CLVS1: variants seen among roughly 807,000 people sequenced by gnomAD.
CLVS1 encodes clavesin 1.
In CLVS1, 10 loss-of-function variants were observed where a neutral mutation model predicts 33.1. That is an observed-to-expected ratio of 0.30 (90% CI 0.19 to 0.51). The LOEUF is 0.51. Among genes scored for constraint, CLVS1 ranks in the 20% least tolerant of loss-of-function variants. The pLI, the probability that CLVS1 is intolerant of heterozygous loss-of-function variation, is 0.97. For synonymous variants in CLVS1, 163 were observed against 166.1 expected (o/e 0.98, Z 0.14); for missense variants, 343 against 433.4 (o/e 0.79, Z 1.85).
At chr8:61,170,760 A>C (rs1247991628) in intron 2 of CLVS1, among the ~76,000 whole-genome samples, 2 of 152,204 alleles carry the variant, frequency 1.3e-5, no homozygotes, top group Non-Finnish European at 2.9e-5. Flanking sequence ...AAGTATTCCA[A>C]AACTATGATT....
chr8:61,227,891 A>T (rs1808361673), intron 2 of CLVS1, among the ~76,000 whole-genome samples: 1 of 152,240 alleles, frequency 6.6e-6, no homozygotes. Flanking sequence ...CAACCAAGTA[A>T]TTCATTGAAT....
chr8:61,022,544 C>A, the CLVS1 span, among the ~76,000 whole-genome samples: 1 of 152,068 alleles, frequency 6.6e-6, no homozygotes, highest in Non-Finnish European at 1.5e-5. Context: ...TAAAAAAATC[C>A]AAGTTAGTGA....
the CLVS1 span, among the ~76,000 whole-genome samples, chr8:61,027,200 A>C: frequency 2.4e-4 from 37 of 152,328 alleles, no homozygotes; most frequent in Non-Finnish European, 1.8e-4. Flanking sequence ...ATCCCCCAAG[A>C]GTGAGACAAA....
intron 2 of CLVS1, among the ~76,000 whole-genome samples, chr8:61,240,894 GTTT>G (rs549955338): frequency 2.3e-5 from 3 of 130,614 alleles, no homozygotes; most frequent in Admixed American, 7.5e-5. Context: ...TTTGCTGTAG[GTTT>G]TTTTTTTTTT....
chr8:61,270,975 T>C (rs1472655694), intron 2 of CLVS1, among the ~76,000 whole-genome samples: 1 of 151,310 alleles, frequency 6.6e-6, no homozygotes, highest in Admixed American at 6.6e-5. Context: ...GCTCCTGGAT[T>C]CATTAATTTT....
rs146155263 is a variant in CLVS1, at chr8:61,075,165, T to C, written c.-243+17935T>C. On this transcript the variant is annotated intron_variant, in intron 1 of 2. Coordinates refer to the CLVS1 transcript ENST00000522621. ...TTGAGGAATGGGGGGCACTGTGGAC[T>C]GCTCAAGGGGAAGGGGCCGGTGGGA... Among the ~76,000 whole-genome samples, 726 of 152,264 alleles carry C rather than the reference T, an allele frequency of 4.8e-3. 5 individuals are homozygous for C. The highest frequency in any genetic ancestry group is 0.021 in the South Asian group (101 of 4,822).
chr8:61,057,792 C>T (rs1048632780), intron 1 of CLVS1, among the ~76,000 whole-genome samples: 1 of 152,160 alleles, frequency 6.6e-6, no homozygotes, highest in Non-Finnish European at 1.5e-5. Context: ...TAGAATAATC[C>T]TGCTCAAGCC....
intron 1 of CLVS1, among the ~76,000 whole-genome samples, chr8:61,116,324 T>C (rs907397693): frequency 2.0e-4 from 31 of 152,326 alleles, no homozygotes; most frequent in African/African-American, 6.7e-4. Flanking sequence ...TTTGGTTGCC[T>C]GTTCACTCTG....
At chr8:61,014,675 C>T in the CLVS1 span, among the ~76,000 whole-genome samples, 1 of 152,112 alleles carries the variant, frequency 6.6e-6, no homozygotes, top group African/African-American at 2.4e-5. Context: ...AACTGTAAAG[C>T]TTTGAATAAG....
intron 2 of CLVS1, among the ~76,000 whole-genome samples, chr8:61,225,307 G>T (rs1808302875): frequency 6.6e-6 from 1 of 151,976 alleles, no homozygotes; most frequent in Non-Finnish European, 1.5e-5. Context: ...AACTGACTGA[G>T]ACTCTGTCTC....
chr8:61,034,170 T>C, the CLVS1 span, among the ~76,000 whole-genome samples: 3 of 152,202 alleles, frequency 2.0e-5, no homozygotes, highest in Non-Finnish European at 4.4e-5. Flanking sequence ...GATGTGACTG[T>C]CAACACTTGG....
chr8:61,357,489 C>CTTTTTTTTTTTT lies in CLVS1; in HGVS notation c.456-19112_456-19111insTTTTTTTTTTTT, dbSNP rs1462908906. On this transcript the variant is annotated intron_variant, in intron 2 of 5. Transcript: ENST00000325897. ...TTTTCCTTCTTTTTCTTTCCTTTTT[C>CTTTTTTTTTTTT]TTTTCTTTTTTTTTTTTTTTTTTTT... 6.3e-4 allele frequency among the ~76,000 whole-genome samples: 19 copies of CTTTTTTTTTTTT among 30,264 alleles called. 1 individual carries two copies. In the East Asian group the frequency reaches 0.012, roughly 18 times the overall value. 19.9% of individuals were successfully genotyped at this position (30,264 alleles called of 152,430 possible).
upstream of CLVS1, among the ~76,000 whole-genome samples, chr8:61,055,688 C>T (rs1804463510): frequency 6.6e-6 from 1 of 152,158 alleles, no homozygotes. Flanking sequence ...TGGTTTTGTT[C>T]TTCTGGCTGT....
chr8:61,014,821 A>G, the CLVS1 span, among the ~76,000 whole-genome samples: 9 of 152,252 alleles, frequency 5.9e-5, no homozygotes, highest in African/African-American at 2.2e-4. Context: ...CAACTGCAAA[A>G]TAATCTTATC....
intron 3 of CLVS1, among the ~76,000 whole-genome samples, chr8:61,436,954 C>G (rs1816351719): frequency 6.6e-6 from 1 of 152,090 alleles, no homozygotes; most frequent in Non-Finnish European, 1.5e-5. Flanking sequence ...GGTTTAAATA[C>G]CCTCTTCACA....
At chr8:61,153,072 G>A (rs112820614) in intron 2 of CLVS1, among the ~76,000 whole-genome samples, 3 of 152,036 alleles carry the variant, frequency 2.0e-5, no homozygotes, top group African/African-American at 7.3e-5. Flanking sequence ...GGAGGCTGAG[G>A]GGGGCTGCAC....
At chr8:61,159,914 T>A (rs1266404539) in intron 2 of CLVS1, among the ~76,000 whole-genome samples, 2 of 152,242 alleles carry the variant, frequency 1.3e-5, no homozygotes, top group Non-Finnish European at 2.9e-5. Flanking sequence ...ATCACCTTGA[T>A]TTTCCTGTGC....
upstream of CLVS1, among the ~76,000 whole-genome samples, chr8:61,055,917 C>T (rs1321330401): frequency 6.6e-6 from 1 of 152,242 alleles, no homozygotes; most frequent in Non-Finnish European, 1.5e-5. Flanking sequence ...TCCTTACATG[C>T]GTGGCTCCAC....
At chr8:61,145,168 A>G (rs1056129294) in intron 2 of CLVS1, among the ~76,000 whole-genome samples, 2 of 152,260 alleles carry the variant, frequency 1.3e-5, no homozygotes, top group Admixed American at 6.5e-5. Context: ...TGAAAAGGCA[A>G]CCTACAGAAT....
Sources: gnomAD v4.1 joint callset for allele counts (sites outside exome capture counted in the v4.1 genomes callset) on GRCh38, gnomAD v4.1.1 for gene constraint, MANE v1.5 for transcripts, NCBI Gene and HGNC (gene_info 2026-07-23, HGNC 2026-07-21) for gene names.